The following DIAPH3 variants were observed in gnomAD, a reference collection of about 807,000 sequenced individuals.
DIAPH3 encodes the protein diaphanous related formin 3, also known as protein diaphanous homolog 3.
DIAPH3 carries 117 observed loss-of-function variants against 144.3 expected under a neutral mutation model. That is an observed-to-expected ratio of 0.81 (90% CI 0.70 to 0.95). The LOEUF (loss-of-function observed/expected upper bound fraction) is 0.95. DIAPH3 is among the 40% of genes least tolerant of loss of function. The pLI is 0.00. For missense variants in DIAPH3, 1,421 were observed against 1,412.7 expected, an observed-to-expected ratio of 1.01 and a Z score of -0.09; for synonymous variants, 519 against 488.9, an observed-to-expected ratio of 1.06 and a Z score of -0.81.
At chr13:59,976,871 A>G (rs1435616505) in intron 14 of DIAPH3, among the ~76,000 whole-genome samples, 1 of 151,882 alleles carries the variant, frequency 6.6e-6, no homozygotes, top group East Asian at 1.9e-4. Flanking sequence ...AAGACAGACG[A>G]AAAAACATAT....
At chr13:60,033,223 T>C (rs1188977658) in intron 5 of DIAPH3, among the ~76,000 whole-genome samples, 1 of 152,236 alleles carries the variant, frequency 6.6e-6, no homozygotes, top group Non-Finnish European at 1.5e-5. Context: ...AAACTTTCCC[T>C]TATTTCCCAT....
At chr13:59,921,698 A>T (rs1420260784) in intron 18 of DIAPH3, among the ~76,000 whole-genome samples, 1 of 152,038 alleles carries the variant, frequency 6.6e-6, no homozygotes, top group Non-Finnish European at 1.5e-5. Flanking sequence ...TTCAAAAAAA[A>T]TCAAAGAGTA....
chr13:59,851,636 T>G (rs989997125), intron 22 of DIAPH3, among the ~76,000 whole-genome samples: 6 of 40,698 alleles, frequency 1.5e-4, no homozygotes, highest in Non-Finnish European at 4.6e-4. Context: ...TAGATGAATC[T>G]TTTTTTTTTT....
At chr13:60,089,689 ATTC>A (rs551234153) in intron 4 of DIAPH3, among the ~76,000 whole-genome samples, 17 of 152,296 alleles carry the variant, frequency 1.1e-4, no homozygotes, top group Admixed American at 2.0e-4. Flanking sequence ...TCAAGTCTAT[ATTC>A]TTCTTAAAAG....
chr13:59,806,212 A>G (rs1395508996), intron 25 of DIAPH3, among the ~76,000 whole-genome samples: 1 of 152,006 alleles, frequency 6.6e-6, no homozygotes, highest in Non-Finnish European at 1.5e-5. Flanking sequence ...CAAAACACTA[A>G]TGTAAATTCA....
chr13:60,112,693 T>C (rs537156514), intron 2 of DIAPH3, among the ~76,000 whole-genome samples: 15 of 152,210 alleles, frequency 9.9e-5, no homozygotes, highest in Admixed American at 7.2e-4. Context: ...CTTAGTGGCC[T>C]GATAAACTAT....
intron 5 of DIAPH3, among the ~76,000 whole-genome samples, chr13:60,027,287 A>G (rs1594400493): frequency 6.6e-6 from 1 of 152,236 alleles, no homozygotes; most frequent in South Asian, 2.1e-4. Context: ...CTGGGAATTC[A>G]GGAACTATTA....
intron 17 of DIAPH3, among the ~76,000 whole-genome samples, chr13:59,960,530 G>A (rs192651517): frequency 6.6e-6 from 1 of 152,174 alleles, no homozygotes; most frequent in Admixed American, 6.5e-5. Flanking sequence ...TTAGCCATAC[G>A]CTTTATCTGG....
At chr13:59,711,367 C>G (rs1232571194) in intron 27 of DIAPH3, among the ~76,000 whole-genome samples, 2 of 152,154 alleles carry the variant, frequency 1.3e-5, no homozygotes, top group Non-Finnish European at 2.9e-5. Context: ...CTACCACCAT[C>G]CCCACAACTG....
At chr13:59,963,769 G>T (rs557898494) in intron 17 of DIAPH3, among the ~76,000 whole-genome samples, 1 of 152,246 alleles carries the variant, frequency 6.6e-6, no homozygotes, top group South Asian at 2.1e-4. Flanking sequence ...CATTGCCCAG[G>T]CTGGTCATGA....
At chr13:59,672,177 G>C (rs1443506567) in intron 27 of DIAPH3, among the ~76,000 whole-genome samples, 1 of 152,158 alleles carries the variant, frequency 6.6e-6, no homozygotes, top group Non-Finnish European at 1.5e-5. Flanking sequence ...ACGGCCCTTG[G>C]GGAAGACTTC....
At chr13:59,748,735 C>A (rs2036830095) in intron 27 of DIAPH3, among the ~76,000 whole-genome samples, 1 of 152,160 alleles carries the variant, frequency 6.6e-6, no homozygotes, top group Non-Finnish European at 1.5e-5. Flanking sequence ...GATATTCAAC[C>A]AACCTCTAGA....
At chr13:59,891,460 A>C (rs1055502335) in intron 20 of DIAPH3, among the ~76,000 whole-genome samples, 6 of 151,258 alleles carry the variant, frequency 4.0e-5, no homozygotes, top group African/African-American at 1.5e-4. Flanking sequence ...AAAAAAAAAA[A>C]CAATCTACAA....
chr13:59,740,486 G>A (rs949408853), intron 27 of DIAPH3, among the ~76,000 whole-genome samples: 1 of 152,156 alleles, frequency 6.6e-6, no homozygotes, highest in African/African-American at 2.4e-5. Flanking sequence ...GATAGCACTG[G>A]TGACATTTAA....
At chr13:59,858,021 G>A (rs1238242608) in intron 22 of DIAPH3, among the ~76,000 whole-genome samples, 2 of 152,130 alleles carry the variant, frequency 1.3e-5, no homozygotes, top group East Asian at 3.9e-4. Context: ...GGCATAATAT[G>A]ATTCTGACAC....
chr13:60,010,479 A>C, intron 8 of DIAPH3, 54 bp downstream of exon 8: 1 of 1,480,658 alleles, frequency 6.8e-7, no homozygotes, highest in Non-Finnish European at 9.2e-7. Context: ...CATTAAATGA[A>C]TCAATCTGTA....
intron 27 of DIAPH3, among the ~76,000 whole-genome samples, chr13:59,693,727 A>G (rs2033655623): frequency 6.6e-6 from 1 of 152,200 alleles, no homozygotes. Flanking sequence ...AAATTATTGT[A>G]AAATGATATG....
intron 23 of DIAPH3, among the ~76,000 whole-genome samples, chr13:59,833,603 G>A (rs1027873941): frequency 6.6e-6 from 1 of 151,734 alleles, no homozygotes; most frequent in Non-Finnish European, 1.5e-5. Flanking sequence ...TAGTTCAGTA[G>A]TTGCAGCTGA....
intron 27 of DIAPH3, among the ~76,000 whole-genome samples, chr13:59,686,570 T>C (rs954354967): frequency 6.6e-6 from 1 of 151,958 alleles, no homozygotes; most frequent in Non-Finnish European, 1.5e-5. Flanking sequence ...ATTGAGATAA[T>C]GTATAAAATG....
Sources: gnomAD v4.1 joint callset for allele counts (sites outside exome capture counted in the v4.1 genomes callset) on GRCh38, gnomAD v4.1.1 for gene constraint, MANE v1.5 for transcripts, NCBI Gene and HGNC (gene_info 2026-07-23, HGNC 2026-07-21) for gene names.